PDC: variants seen among roughly 807,000 people sequenced by gnomAD.
PDC encodes 33 kDa phototransducing protein.
PDC carries 19 observed loss-of-function variants against 22.2 expected under a neutral mutation model. That is an observed-to-expected ratio of 0.86 (90% CI 0.60 to 1.26). PDC has a LOEUF of 1.26. PDC is among the 50% of genes most tolerant of loss of function. The probability of loss-of-function intolerance (pLI) is 0.00; values close to 1 mark genes in which losing one functional copy is unlikely to be tolerated. For missense variants in PDC, 274 were observed against 286.8 expected, an observed-to-expected ratio of 0.96 and a Z score of 0.32; for synonymous variants, 97 against 96.2, an observed-to-expected ratio of 1.01 and a Z score of -0.05.
intron 1 of PDC, among the ~76,000 whole-genome samples, chr1:186,456,603 A>C (rs530739735): frequency 1.3e-5 from 2 of 152,302 alleles, no homozygotes; most frequent in East Asian, 3.9e-4. Flanking sequence ...TCCAGTGTAA[A>C]ATTTTCAGAG....
chr1:186,459,939 G>A (rs1571729175), intron 1 of PDC, among the ~76,000 whole-genome samples: 1 of 148,058 alleles, frequency 6.8e-6, no homozygotes, highest in Non-Finnish European at 1.5e-5. Context: ...AAAACCAATT[G>A]AAAGAAAATT....
intron 1 of PDC, chr1:186,451,626 T>G (rs1662354898): frequency 6.6e-6 from 1 of 152,206 alleles, no homozygotes; most frequent in African/African-American, 2.4e-5. Context: ...TAATTTTATT[T>G]CAGATGCTGA....
rs71104862 is a variant in PDC, at chr1:186,455,797, T to TAAA, written c.-25+5259_-25+5261dup. 6.9e-4 allele frequency among the ~76,000 whole-genome samples: 27 copies of TAAA among 39,364 alleles called. 1 individual carries two copies. Among genetic ancestry groups the TAAA allele is most frequent in the African/African-American group, 2.2e-3 (20 of 8,998 alleles). 25.8% of individuals were successfully genotyped at this position (39,364 alleles called of 152,430 possible). A position where few individuals can be genotyped will look rare whatever the true frequency, so the allele number is the denominator to read the frequency against. ...TAACACGGTGAAACCCCGTCTCTAC[T>TAAA]AAAAAAAAAAAAAAAAAAAAAAAAA... On this transcript the variant is annotated intron_variant, in intron 1 of 3. Coordinates refer to ENST00000391997, the MANE Select transcript of PDC (RefSeq NM_002597.5).
At chr1:186,455,324 C>A in intron 1 of PDC, among the ~76,000 whole-genome samples, 1 of 152,120 alleles carries the variant, frequency 6.6e-6, no homozygotes, top group East Asian at 1.9e-4. Context: ...ATTTCTTCTA[C>A]AAAGCCCCTA....
At chr1:186,458,052 C>T (rs1176228178) in intron 1 of PDC, among the ~76,000 whole-genome samples, 1 of 151,872 alleles carries the variant, frequency 6.6e-6, no homozygotes, top group East Asian at 1.9e-4. Flanking sequence ...GCCTTTTAAA[C>T]AATTAGTATG....
At chr1:186,459,320 C>T (rs1031782961) in intron 1 of PDC, among the ~76,000 whole-genome samples, 7 of 151,850 alleles carry the variant, frequency 4.6e-5, no homozygotes, top group African/African-American at 1.7e-4. Context: ...ATTGCAGGCA[C>T]GCGCCGCCAC....
intron 1 of PDC, among the ~76,000 whole-genome samples, chr1:186,453,749 C>A (rs1662398581): frequency 6.6e-6 from 1 of 152,120 alleles, no homozygotes; most frequent in South Asian, 2.1e-4. Context: ...TTTTAAAGAA[C>A]CTACTATGTG....
intron 1 of PDC, among the ~76,000 whole-genome samples, chr1:186,453,404 C>T (rs1662392500): frequency 6.6e-6 from 1 of 152,148 alleles, no homozygotes; most frequent in Non-Finnish European, 1.5e-5. Context: ...TATCATTGGT[C>T]ACATGACAAT....
chr1:186,458,428 C>T (rs982497821), intron 1 of PDC, among the ~76,000 whole-genome samples: 1 of 149,220 alleles, frequency 6.7e-6, no homozygotes, highest in East Asian at 1.9e-4. Flanking sequence ...TGTCAGTGCA[C>T]GCTGGTTGTG....
chr1:186,445,458 C>T (rs1662206267), intron 3 of PDC, among the ~76,000 whole-genome samples: 1 of 152,150 alleles, frequency 6.6e-6, no homozygotes, highest in Admixed American at 6.5e-5. Flanking sequence ...TCTTTTGCTT[C>T]TGTTTCTTAT....
At chr1:186,444,645 C>T in intron 3 of PDC, 139 bp from the exon 4 acceptor site, 1 of 602,782 alleles carries the variant, frequency 1.7e-6, no homozygotes, top group South Asian at 2.2e-5. Context: ...CCTGATGTGC[C>T]TTTCTCTTTC....
intron 1 of PDC, among the ~76,000 whole-genome samples, chr1:186,450,527 T>C (rs1402392309): frequency 6.6e-6 from 1 of 151,928 alleles, no homozygotes; most frequent in Middle Eastern, 3.2e-3. Flanking sequence ...TTTTTTATTT[T>C]TTGGTATGTT....
intron 3 of PDC, 144 bp downstream of exon 3, chr1:186,446,281 GT>G: frequency 1.9e-6 from 1 of 516,822 alleles, no homozygotes; most frequent in East Asian, 3.2e-5. Context: ...CACAATAGGT[GT>G]TCACTTCATT....
At position 186,443,814 on chromosome 1, in the gene PDC, T is replaced by A. The variant is rs1009548265; in HGVS notation, c.*165A>T. On this transcript the variant is annotated 3_prime_UTR_variant, in exon 4 of 4. Transcript: ENST00000391997. ...TAGTCAAGCATTGTATCAATTTGAG[T>A]AACTAATACTAAGAAATGCTAATAA... is the stretch of plus-strand genomic sequence containing the variant. The A allele has an allele frequency of 1.7e-6, 1 of 590,310 alleles. No homozygotes were observed. Among genetic ancestry groups the A allele is most frequent in the African/African-American group, 1.9e-5 (1 of 53,984 alleles). The allele number at this position is 590,310 out of a possible 1,614,324, so 36.6% of individuals were successfully genotyped here.
rs1452338358 is a variant in PDC, at chr1:186,444,166, A to C, written c.554T>G (p.Val185Gly). 2 of 1,613,510 alleles carry C rather than the reference A, an allele frequency of 1.2e-6. No individual in the cohort carries two copies. Among genetic ancestry groups the C allele is most frequent in the Admixed American group, 1.7e-5 (1 of 60,014 alleles). ...TGAGDRFSLD[V>G]LPTLLIYKGG... ...TTTATAGATGAGCAGTGTAGGAAGT[A>C]CATCTAAGGAAAAGCGGTCCCCAGC... The change falls in exon 4 of 4, where the codon GTA (valine) becomes GGA (glycine). Residue 185 changes from valine (V) to glycine (G), a missense_variant. Coordinates refer to ENST00000391997, the MANE Select transcript of PDC (RefSeq NM_002597.5).
chr1:186,444,361 C>T lies in PDC; in HGVS notation c.359G>A (p.Gly120Glu). The T allele has an allele frequency of 6.2e-7, 1 of 1,614,062 alleles. No individual in the cohort carries two copies. Among genetic ancestry groups the T allele is most frequent in the Non-Finnish European group, 8.5e-7 (1 of 1,179,980 alleles). Residue 120 changes from glycine to glutamate, a missense_variant, in exon 4 of 4, where the codon GGA (glycine) becomes GAA (glutamate). Coordinates refer to ENST00000391997, the MANE Select transcript of PDC (RefSeq NM_002597.5). ...RYGFVYELET[G>E]KQFLETIEKE... ...TTCAATTGTTTCTAGGAATTGCTTT[C>T]CAGTTTCCAGCTCATACACAAACCC...
chr1:186,456,899 G>A (rs1662484022), intron 1 of PDC, among the ~76,000 whole-genome samples: 1 of 152,182 alleles, frequency 6.6e-6, no homozygotes, highest in East Asian at 1.9e-4. Flanking sequence ...ACTATGCTTT[G>A]AGATGGCTAA....
chr1:186,444,153 C>G lies in PDC; in HGVS notation c.567G>C (p.Leu189=), dbSNP rs1571718537. 3 of 1,613,868 alleles carry G rather than the reference C, an allele frequency of 1.9e-6. No individual in the cohort carries two copies. Among genetic ancestry groups the G allele is most frequent in the Non-Finnish European group, 2.5e-6 (3 of 1,179,798 alleles). ...DRFSLDVLPT[L]LIYKGGELIS... ...TGAGTTCCCCACCTTTATAGATGAG[C>G]AGTGTAGGAAGTACATCTAAGGAAA... Residue 189 remains leucine, a synonymous_variant, in exon 4 of 4, where the codon CTG becomes CTC. Transcript: ENST00000391997.
At chr1:186,449,342 G>A in intron 2 of PDC, 57 bp downstream of exon 2, 1 of 982,974 alleles carries the variant, frequency 1.0e-6, no homozygotes, top group Admixed American at 1.8e-5. Flanking sequence ...AAGAACATTA[G>A]ATATTGCCAT....
Sources: gnomAD v4.1 joint callset for allele counts (sites outside exome capture counted in the v4.1 genomes callset) on GRCh38, gnomAD v4.1.1 for gene constraint, MANE v1.5 for transcripts, NCBI Gene and HGNC (gene_info 2026-07-23, HGNC 2026-07-21) for gene names.